Variants in ANKRD27 observed in about 807,000 individuals in gnomAD.
The protein encoded by ANKRD27 is ankyrin repeat domain 27.
A neutral mutation model predicts 129.7 loss-of-function variants in ANKRD27; 112 were observed. The observed-to-expected ratio is 0.86, with a 90% CI of 0.74 to 1.01. The LOEUF (loss-of-function observed/expected upper bound fraction) is 1.01. Among genes scored for constraint, ANKRD27 ranks in the 50% least tolerant of loss-of-function variants. ANKRD27 has a pLI of 0.00. For missense variants in ANKRD27, 1,258 were observed against 1,300.5 expected (o/e 0.97, Z 0.50); for synonymous variants, 516 against 511.2 (o/e 1.01, Z -0.13).
chr19:32,646,616 C>T lies in ANKRD27; in HGVS notation c.214-1G>A. The T allele has an allele frequency of 6.2e-7, 1 of 1,611,450 alleles. No individual in the cohort carries two copies. Among genetic ancestry groups the T allele is most frequent in the Non-Finnish European group, 8.5e-7 (1 of 1,179,082 alleles). ...TCCTGTTCCCTTGAATAAAGACATC[C>T]TGGAAACAAGAAAGCCATCACTGCA... On this transcript the variant is annotated splice_acceptor_variant, in intron 3 of 28. Transcript: ENST00000306065. LOFTEE classifies it high-confidence loss of function.
At chr19:32,617,164 A>AC (rs1971932905) in intron 21 of ANKRD27, among the ~76,000 whole-genome samples, 1 of 152,194 alleles carries the variant, frequency 6.6e-6, no homozygotes, top group African/African-American at 2.4e-5. Context: ...GCACAAAATC[A>AC]GAGTCCACAT....
chr19:32,604,607 A>G (rs969755968), intron 24 of ANKRD27, among the ~76,000 whole-genome samples, 183 bp from the exon 25 acceptor site: 5 of 152,240 alleles, frequency 3.3e-5, no homozygotes, highest in Non-Finnish European at 5.9e-5. Flanking sequence ...AGTTCGCTGC[A>G]GCATTTATCC....
rs377167587 is a variant in ANKRD27, at chr19:32,607,768, G to T, written c.2240C>A (p.Pro747Gln). The T allele has an allele frequency of 2.5e-6, 4 of 1,612,742 alleles. No individual in the cohort carries two copies. The South Asian group carries it at 3.3e-5, about 13-fold the overall frequency. Reference sequence around the variant, plus strand: ...GCCGTGCAGGGCGGCGACATGCAGCGGGGAGGAGCCGTCCTGGCTGGTCAC... The same window carrying T: ...GCCGTGCAGGGCGGCGACATGCAGCTGGGAGGAGCCGTCCTGGCTGGTCAC... ...VNVTSQDGSSPLHVAALHGRA... is the reference protein window; with the variant it reads ...VNVTSQDGSSQLHVAALHGRA... The change falls in exon 23 of 29, where the codon CCG (proline) becomes CAG (glutamine). Residue 747 changes from proline to glutamine, a missense_variant. By Grantham distance (76) the Pro-to-Gln change is moderately conservative. Coordinates refer to ENST00000306065, the MANE Select transcript of ANKRD27 (RefSeq NM_032139.3).
At chr19:32,662,797 C>CT (rs1273718748) in intron 1 of ANKRD27, among the ~76,000 whole-genome samples, 2 of 151,978 alleles carry the variant, frequency 1.3e-5, no homozygotes, top group Non-Finnish European at 2.9e-5. Context: ...AATCTCAACA[C>CT]TTTGGGAGGC....
chr19:32,663,557 CCAT>C (rs1398985590), intron 1 of ANKRD27, among the ~76,000 whole-genome samples: 4 of 152,030 alleles, frequency 2.6e-5, no homozygotes, highest in African/African-American at 9.7e-5. Flanking sequence ...GCCAATCGTC[CCAT>C]CATCATTTTT....
chr19:32,639,331 G>A, intron 12 of ANKRD27, 25 bp downstream of exon 12: 3 of 1,613,964 alleles, frequency 1.9e-6, no homozygotes, highest in Middle Eastern at 1.7e-4. Context: ...CACAAAGGAA[G>A]GCCAGGGCAG....
chr19:32,661,152 G>C (rs1463781571), intron 1 of ANKRD27, among the ~76,000 whole-genome samples: 1 of 149,646 alleles, frequency 6.7e-6, no homozygotes, highest in African/African-American at 2.5e-5. Flanking sequence ...TATGAGCCAT[G>C]ATCACGCCAC....
At chr19:32,629,699 CAAAAAAT>C (rs1966956980) in intron 13 of ANKRD27, among the ~76,000 whole-genome samples, 2 of 151,730 alleles carry the variant, frequency 1.3e-5, no homozygotes, top group African/African-American at 4.8e-5. Context: ...GACTCTGTCA[CAAAAAAT>C]AAAAACAAAC....
chr19:32,615,590 C>T, intron 22 of ANKRD27, 68 bp downstream of exon 22: 1 of 1,611,032 alleles, frequency 6.2e-7, no homozygotes, highest in African/African-American at 1.3e-5. Context: ...TCTCAAAAAA[C>T]AAAAACAAAA....
At chr19:32,653,437 G>C (rs1296505054) in intron 2 of ANKRD27, among the ~76,000 whole-genome samples, 14 of 152,138 alleles carry the variant, frequency 9.2e-5, no homozygotes. Flanking sequence ...AAACCTGGAG[G>C]ACTTTCAACT....
At chr19:32,617,499 A>T in intron 21 of ANKRD27, 90 bp downstream of exon 21, 1 of 623,174 alleles carries the variant, frequency 1.6e-6, no homozygotes, top group Non-Finnish European at 2.9e-6. Context: ...GTGAGCCATG[A>T]TCACGCCACT....
chr19:32,653,994 G>A (rs1017388494), intron 2 of ANKRD27, among the ~76,000 whole-genome samples: 8 of 152,090 alleles, frequency 5.3e-5, no homozygotes, highest in Admixed American at 5.2e-4. Flanking sequence ...TCCGCCTCCC[G>A]GGTTCACGCG....
rs1179327783 is a variant in ANKRD27 at position 32,608,872 on chromosome 19, G to A, written c.2176-1040C>T. ...CAGGCATGCATTGGGCTGTAGAATC[G>A]CTCAAACCCAGGAGGCGAAGGTTGC... On this transcript the variant is annotated intron_variant, in intron 22 of 28. Coordinates refer to ENST00000306065, the MANE Select transcript of ANKRD27 (RefSeq NM_032139.3). 4.6e-5 allele frequency among the ~76,000 whole-genome samples: 7 copies of A among 152,174 alleles called. No homozygotes were observed. The East Asian group carries it at 5.9e-4, about 13-fold the overall frequency.
chr19:32,631,981 G>A (rs903383484), intron 12 of ANKRD27, among the ~76,000 whole-genome samples: 5 of 152,194 alleles, frequency 3.3e-5, no homozygotes, highest in African/African-American at 9.7e-5. Flanking sequence ...CTTTTTGGAC[G>A]TGCCTATTAA....
chr19:32,666,646 T>C (rs984519113), intron 1 of ANKRD27, among the ~76,000 whole-genome samples: 122 of 147,504 alleles, frequency 8.3e-4, no homozygotes, highest in Non-Finnish European at 1.4e-3. Flanking sequence ...TTTCTATTTT[T>C]TTTTTTTTTT....
chr19:32,619,371 C>T lies in ANKRD27; in HGVS notation c.1896G>A (p.Val632=). The T allele has an allele frequency of 1.9e-6, 3 of 1,613,744 alleles. No homozygotes were observed. Among genetic ancestry groups the T allele is most frequent in the South Asian group, 1.1e-5 (1 of 91,078 alleles). Reference sequence around the variant, plus strand: ...AGTCCACGGAGCGCTGCGGGGACTGCACAGGGGCCTGCAGCCAAGGAGCCC... The same window carrying T: ...AGTCCACGGAGCGCTGCGGGGACTGTACAGGGGCCTGCAGCCAAGGAGCCC... ...ERRQKSSEAP[V]QSPQRSVDSI... Residue 632 remains valine (V), a synonymous_variant, in exon 20 of 29, where the codon GTG becomes GTA. Coordinates refer to ENST00000306065, the MANE Select transcript of ANKRD27 (RefSeq NM_032139.3).
In ANKRD27 at chr19:32,653,195, G is replaced by A. The variant is rs1243864458; in HGVS notation, c.103-3403C>T. 3.9e-5 allele frequency among the ~76,000 whole-genome samples: 6 copies of A among 152,234 alleles called. No homozygotes were observed. The South Asian group carries it at 1.2e-3, about 32-fold the overall frequency. Reference sequence around the variant, plus strand: ...AGTGGATGGCCACGGCTTGTTGGAAGCATCTATACTAAATAAATTCTGAGA... The same window carrying A: ...AGTGGATGGCCACGGCTTGTTGGAAACATCTATACTAAATAAATTCTGAGA... On this transcript the variant is annotated intron_variant, in intron 2 of 28. Coordinates refer to ENST00000306065, the MANE Select transcript of ANKRD27 (RefSeq NM_032139.3).
chr19:32,639,928 C>G (rs1051864801), intron 11 of ANKRD27, among the ~76,000 whole-genome samples: 1 of 152,186 alleles, frequency 6.6e-6, no homozygotes, highest in African/African-American at 2.4e-5. Context: ...ATGGGCTTTT[C>G]CTAGAGTTAC....
At chr19:32,640,486 A>T (rs543437908) in intron 10 of ANKRD27, 101 bp from the exon 11 acceptor site, 3 of 941,184 alleles carry the variant, frequency 3.2e-6, no homozygotes, top group Non-Finnish European at 5.2e-6. Flanking sequence ...ACCACGTATC[A>T]GGGAGATCAT....
Sources: gnomAD v4.1 joint callset for allele counts (sites outside exome capture counted in the v4.1 genomes callset) on GRCh38, gnomAD v4.1.1 for gene constraint, MANE v1.5 for transcripts, NCBI Gene and HGNC (gene_info 2026-07-23, HGNC 2026-07-21) for gene names.